The following NEGR1 variants were observed in gnomAD, a reference collection of about 807,000 sequenced individuals.
NEGR1 encodes neuronal growth regulator 1.
In NEGR1, 10 loss-of-function variants were observed where a neutral mutation model predicts 40.9. The ratio of observed to expected loss-of-function variants is 0.24; its 90% CI spans 0.15 to 0.42. NEGR1 has a LOEUF of 0.42. Among genes scored for constraint, NEGR1 ranks in the 10% least tolerant of loss-of-function variants. The pLI, the probability that NEGR1 is intolerant of heterozygous loss-of-function variation, is 1.00. For missense variants in NEGR1, 352 were observed against 438.9 expected, an observed-to-expected ratio of 0.80 and a Z score of 1.77; for synonymous variants, 185 against 166.8, an observed-to-expected ratio of 1.11 and a Z score of -0.84.
At chr1:72,108,858 A>G (rs1649240497) in intron 1 of NEGR1, among the ~76,000 whole-genome samples, 1 of 151,592 alleles carries the variant, frequency 6.6e-6, no homozygotes, top group Non-Finnish European at 1.5e-5. Context: ...ATTTTAATCC[A>G]AGTTTGTCAC....
At chr1:72,124,930 G>T (rs763752669) in intron 1 of NEGR1, among the ~76,000 whole-genome samples, 1 of 151,966 alleles carries the variant, frequency 6.6e-6, no homozygotes, top group African/African-American at 2.4e-5. Flanking sequence ...ATTTTAAAGT[G>T]AGTAGTATTT....
rs140425436 is a variant in NEGR1 at position 72,205,683 on chromosome 1, G to A, written c.176+76636C>T. On this transcript the variant is annotated intron_variant, in intron 1 of 6. Transcript: ENST00000357731. Reference sequence around the variant, plus strand: ...TATAATCCTAGCACACTGGGAGGCCGAGGAGTGTGCGTGAGTGGATTGAGC... The same window carrying A: ...TATAATCCTAGCACACTGGGAGGCCAAGGAGTGTGCGTGAGTGGATTGAGC... Among the ~76,000 whole-genome samples the A allele has an allele frequency of 7.9e-3, 1,131 of 142,504 alleles. 12 individuals are homozygous for A. Among genetic ancestry groups the A allele is most frequent in the African/African-American group, 0.027 (1,032 of 38,342 alleles). The allele number at this position is 142,504 out of a possible 152,430, so 93.5% of individuals were successfully genotyped here.
At chr1:71,887,555 G>C (rs1370804066) in intron 2 of NEGR1, among the ~76,000 whole-genome samples, 1 of 152,006 alleles carries the variant, frequency 6.6e-6, no homozygotes, top group Non-Finnish European at 1.5e-5. Context: ...ATGGGATACA[G>C]AGTGATGTTG....
intron 3 of NEGR1, among the ~76,000 whole-genome samples, chr1:71,712,982 G>T (rs1445294321): frequency 6.6e-6 from 1 of 152,190 alleles, no homozygotes; most frequent in African/African-American, 2.4e-5. Context: ...GTGGAACTGT[G>T]AGTCAGTTAA....
intron 6 of NEGR1, among the ~76,000 whole-genome samples, chr1:71,558,760 G>A (rs1648339046): frequency 7.3e-6 from 1 of 137,440 alleles, no homozygotes. Context: ...TTACATCCTA[G>A]CACCACCAGA....
At chr1:71,854,593 A>T (rs549586023) in intron 2 of NEGR1, among the ~76,000 whole-genome samples, 6 of 152,188 alleles carry the variant, frequency 3.9e-5, no homozygotes, top group Non-Finnish European at 7.4e-5. Flanking sequence ...GTAAGTTATA[A>T]ATAAAAGAGG....
intron 4 of NEGR1, among the ~76,000 whole-genome samples, chr1:71,697,775 A>G (rs1653529493): frequency 1.3e-5 from 2 of 151,784 alleles, no homozygotes; most frequent in African/African-American, 4.8e-5. Context: ...GGAGAGTATT[A>G]AACACATTTC....
intron 6 of NEGR1, chr1:71,463,370 A>G (rs1646726162): frequency 6.6e-6 from 1 of 152,128 alleles, no homozygotes; most frequent in African/African-American, 2.4e-5. Context: ...TTGCAAGGTC[A>G]AATGACTCAC....
At position 72,144,881 on chromosome 1, in the gene NEGR1, A is replaced by G. The variant is rs576194480; in HGVS notation, c.176+137438T>C. Among the ~76,000 whole-genome samples, 43 of 152,184 alleles carry G rather than the reference A, an allele frequency of 2.8e-4. 1 individual carries two copies. The South Asian group carries it at 3.3e-3, about 12-fold the overall frequency. On this transcript the variant is annotated intron_variant, in intron 1 of 6. Transcript: ENST00000357731. ...CTTGCAATATCTCTCCCTTTAGAAA[A>G]TTACAAGAGGAGATTTGATCTTGGT...
At chr1:71,767,636 CA>C (rs1267929639) in intron 3 of NEGR1, among the ~76,000 whole-genome samples, 2 of 152,106 alleles carry the variant, frequency 1.3e-5, no homozygotes, top group Admixed American at 6.6e-5. Flanking sequence ...TTCAGAGGAG[CA>C]ATTCAAGATG....
At chr1:71,674,152 T>C (rs1652530348) in intron 4 of NEGR1, among the ~76,000 whole-genome samples, 1 of 152,162 alleles carries the variant, frequency 6.6e-6, no homozygotes, top group South Asian at 2.1e-4. Flanking sequence ...ATGAGTGACC[T>C]AGATATATTC....
At chr1:71,636,292 G>A (rs1391023409) in intron 4 of NEGR1, among the ~76,000 whole-genome samples, 2 of 152,038 alleles carry the variant, frequency 1.3e-5, no homozygotes, top group East Asian at 1.9e-4. Context: ...TAGTTCCAGG[G>A]AAATTAATAA....
Position 71,441,903 on chromosome 1 carries a change from T to G in NEGR1, c.941-34333A>C, listed in dbSNP as rs1646549692. On this transcript the variant is annotated intron_variant, in intron 6 of 6. Transcript: ENST00000357731. Reference sequence around the variant, plus strand: ...ATTTTATTCTCACCATATTTTGTACTTTTTTATTCCTTGAAGATATTAATC... The same window carrying G: ...ATTTTATTCTCACCATATTTTGTACGTTTTTATTCCTTGAAGATATTAATC... Among the ~76,000 whole-genome samples the G allele has an allele frequency of 2.0e-5, 3 of 152,342 alleles. No individual in the cohort carries two copies. In the South Asian group the frequency reaches 6.2e-4, roughly 32 times the overall value.
chr1:71,845,716 GATCTATCT>G (rs66993306), intron 2 of NEGR1, among the ~76,000 whole-genome samples: 2 of 150,484 alleles, frequency 1.3e-5, no homozygotes, highest in South Asian at 2.1e-4. Flanking sequence ...AATAGAGCCA[GATCTATCT>G]ATCTATCTAT....
intron 1 of NEGR1, among the ~76,000 whole-genome samples, chr1:72,267,640 GATAAA>G (rs1655692682): frequency 6.6e-6 from 1 of 151,274 alleles, no homozygotes; most frequent in East Asian, 1.9e-4. Context: ...TAAAATAATT[GATAAA>G]ATAAAATCAC....
intron 1 of NEGR1, among the ~76,000 whole-genome samples, chr1:72,010,318 G>C (rs1305958779): frequency 6.6e-6 from 1 of 151,990 alleles, no homozygotes; most frequent in East Asian, 1.9e-4. Context: ...AGGTGAGGTA[G>C]GGGAAGAAAC....
intron 1 of NEGR1, among the ~76,000 whole-genome samples, chr1:71,989,549 T>C (rs1009474689): frequency 1.3e-5 from 2 of 151,952 alleles, no homozygotes; most frequent in Admixed American, 6.6e-5. Flanking sequence ...CAAATGTCAT[T>C]AATAATTTTA....
chr1:72,018,633 G>C (rs1040241022), intron 1 of NEGR1, among the ~76,000 whole-genome samples: 1 of 152,132 alleles, frequency 6.6e-6, no homozygotes, highest in Non-Finnish European at 1.5e-5. Flanking sequence ...CATGTAATAA[G>C]TGCCACAAAG....
At chr1:71,862,060 G>A (rs150487556) in intron 2 of NEGR1, among the ~76,000 whole-genome samples, 178 of 152,160 alleles carry the variant, frequency 1.2e-3, no homozygotes, top group African/African-American at 4.1e-3. Flanking sequence ...CATTTTCTGT[G>A]TATTTTTCCT....
Sources: gnomAD v4.1 joint callset for allele counts (sites outside exome capture counted in the v4.1 genomes callset) on GRCh38, gnomAD v4.1.1 for gene constraint, MANE v1.5 for transcripts, NCBI Gene and HGNC (gene_info 2026-07-23, HGNC 2026-07-21) for gene names.